Variants in KAZN observed in about 807,000 individuals in gnomAD.
KAZN encodes the protein kazrin, periplakin interacting protein, also known as kazrin.
KAZN carries 40 observed loss-of-function variants against 87.4 expected under a neutral mutation model. That is an observed-to-expected ratio of 0.46 (90% CI 0.36 to 0.60). The LOEUF (loss-of-function observed/expected upper bound fraction) is 0.60, where lower values mean the gene tolerates loss of function less well. Among genes scored for constraint, KAZN ranks in the 20% least tolerant of loss-of-function variants. The pLI, the probability that KAZN is intolerant of heterozygous loss-of-function variation, is 0.00. For missense variants in KAZN, 898 were observed against 1,073.9 expected, an observed-to-expected ratio of 0.84 and a Z score of 2.29; for synonymous variants, 466 against 458.3, an observed-to-expected ratio of 1.02 and a Z score of -0.22.
chr1:14,293,492 G>T (rs1179965418), intron 2 of KAZN, among the ~76,000 whole-genome samples: 1 of 152,060 alleles, frequency 6.6e-6, no homozygotes, highest in East Asian at 1.9e-4. Context: ...TGGCATTGCT[G>T]GTGTTGCCAT....
chr1:14,992,046 T>C (rs746347077), intron 2 of KAZN, among the ~76,000 whole-genome samples: 20 of 152,190 alleles, frequency 1.3e-4, no homozygotes, highest in Non-Finnish European at 1.5e-4. Context: ...AACCTCATTC[T>C]GTTGGTCCTG....
chr1:14,461,079 G>A (rs1667826577), intron 2 of KAZN, among the ~76,000 whole-genome samples: 1 of 152,134 alleles, frequency 6.6e-6, no homozygotes, highest in Admixed American at 6.5e-5. Flanking sequence ...TTGGAGCCTT[G>A]TGAAATTTGT....
intron 3 of KAZN, among the ~76,000 whole-genome samples, chr1:15,037,833 C>A (rs912593594): frequency 2.0e-5 from 3 of 152,030 alleles, no homozygotes; most frequent in Admixed American, 2.0e-4. Context: ...AGAGGCAAGA[C>A]CTGTGCAGAA....
chr1:14,291,324 C>T (rs1350596519), intron 2 of KAZN, among the ~76,000 whole-genome samples: 2 of 152,218 alleles, frequency 1.3e-5, no homozygotes, highest in African/African-American at 4.8e-5. Context: ...CCTTGCTGAG[C>T]TCCCGTGGCC....
intron 1 of KAZN, among the ~76,000 whole-genome samples, chr1:14,055,754 C>G (rs936952286): frequency 3.3e-5 from 5 of 152,078 alleles, no homozygotes; most frequent in Admixed American, 1.3e-4. Context: ...CCTCTACCCT[C>G]TGGAATCTCT....
intron 1 of KAZN, among the ~76,000 whole-genome samples, chr1:14,866,781 C>A (rs1278859715): frequency 6.6e-6 from 1 of 152,136 alleles, no homozygotes; most frequent in Non-Finnish European, 1.5e-5. Context: ...TTGCTAGACC[C>A]AAATGAATCC....
intron 11 of KAZN, among the ~76,000 whole-genome samples, chr1:15,102,872 G>A (rs1053012909): frequency 5.3e-5 from 8 of 152,328 alleles, no homozygotes; most frequent in Non-Finnish European, 7.4e-5. Context: ...CCCATGCCAC[G>A]CCGAGGACAG....
At chr1:13,901,076 C>T (rs1262208850) in intron 1 of KAZN, among the ~76,000 whole-genome samples, 7 of 151,668 alleles carry the variant, frequency 4.6e-5, no homozygotes, top group Admixed American at 4.6e-4. Flanking sequence ...AAAAGAAAAC[C>T]TCAACATTTT....
At chr1:14,222,327 A>G (rs1245506105) in intron 2 of KAZN, among the ~76,000 whole-genome samples, 1 of 152,172 alleles carries the variant, frequency 6.6e-6, no homozygotes. Context: ...TAGTGATTTT[A>G]TTAGAAGCAG....
rs1441726498 is a variant in KAZN at position 14,130,153 on chromosome 1, C to CA, written c.92-50277dup. On this transcript the variant is annotated intron_variant, in intron 1 of 16. Transcript: ENST00000636203. Reference sequence around the variant, plus strand: ...TGATTAAAACCTTCTTTCCTTGGGCCAAAAATGTTAAGGGCTATCGCCTCT... The same window carrying CA: ...TGATTAAAACCTTCTTTCCTTGGGCCAAAAAATGTTAAGGGCTATCGCCTCT... 3.9e-4 allele frequency among the ~76,000 whole-genome samples: 59 copies of CA among 152,132 alleles called. 1 individual carries two copies. The highest frequency in any genetic ancestry group is 1.3e-4 in the Non-Finnish European group (9 of 68,020).
chr1:14,710,100 A>G (rs1400491578), intron 1 of KAZN, among the ~76,000 whole-genome samples: 1 of 152,132 alleles, frequency 6.6e-6, no homozygotes, highest in Admixed American at 6.5e-5. Flanking sequence ...GCCCTGGTGG[A>G]ATTCATATTC....
At chr1:14,291,733 A>C (rs1266274824) in intron 2 of KAZN, among the ~76,000 whole-genome samples, 3 of 152,208 alleles carry the variant, frequency 2.0e-5, no homozygotes, top group Admixed American at 2.0e-4. Context: ...CAGGTACCTC[A>C]GTTGGAAATG....
chr1:14,792,198 C>T (rs1645694412), intron 1 of KAZN, among the ~76,000 whole-genome samples: 1 of 152,214 alleles, frequency 6.6e-6, no homozygotes, highest in Non-Finnish European at 1.5e-5. Context: ...TGAGCATCTA[C>T]TGTTTGCCAG....
At chr1:14,561,931 A>G (rs1199337246) in intron 2 of KAZN, among the ~76,000 whole-genome samples, 1 of 152,044 alleles carries the variant, frequency 6.6e-6, no homozygotes, top group Non-Finnish European at 1.5e-5. Flanking sequence ...AAAAGTTTCA[A>G]AAAGCCTCTG....
At chr1:14,226,075 A>G (rs2100519902) in intron 2 of KAZN, among the ~76,000 whole-genome samples, 1 of 151,922 alleles carries the variant, frequency 6.6e-6, no homozygotes, top group South Asian at 2.1e-4. Context: ...CAAACAACAA[A>G]ACAAAACAAA....
chr1:14,419,750 G>C (rs1459523326), intron 2 of KAZN, among the ~76,000 whole-genome samples: 1 of 151,984 alleles, frequency 6.6e-6, no homozygotes, highest in African/African-American at 2.4e-5. Context: ...GGACTCTTAA[G>C]GCGGTGCGTC....
chr1:13,929,478 A>G lies in KAZN; in HGVS notation c.91+35722A>G, dbSNP rs141172224. ...GCAGCTCAGAAGCCTGCAGCCATCC[A>G]TCATTGCGACACCTTCTTTATGGGC... On this transcript the variant is annotated intron_variant, in intron 1 of 16. Coordinates refer to the KAZN transcript ENST00000636203. Among the ~76,000 whole-genome samples the G allele has an allele frequency of 1.2e-3, 179 of 152,236 alleles. 2 individuals carry two copies. In the East Asian group the frequency reaches 0.029, roughly 25 times the overall value.
intron 2 of KAZN, among the ~76,000 whole-genome samples, chr1:14,445,979 T>G (rs575273406): frequency 6.6e-6 from 1 of 151,166 alleles, no homozygotes; most frequent in African/African-American, 2.4e-5. Context: ...GAGGATCACT[T>G]GAGGCCAGGA....
chr1:14,398,033 T>C (rs1265975897), intron 2 of KAZN, among the ~76,000 whole-genome samples: 10 of 152,140 alleles, frequency 6.6e-5, no homozygotes, highest in Non-Finnish European at 1.2e-4. Context: ...GATTGACTCA[T>C]AGATGCACAA....
Sources: allele counts gnomAD v4.1 joint callset (sites outside exome capture counted in the v4.1 genomes callset), GRCh38; gene constraint gnomAD v4.1.1; transcripts MANE v1.5; gene names NCBI Gene and HGNC (gene_info 2026-07-23, HGNC 2026-07-21).